MCM9: variants seen among roughly 807,000 people sequenced by gnomAD.
MCM9 encodes the protein DNA helicase MCM9.
In MCM9, 55 loss-of-function variants were observed where a neutral mutation model predicts 72.8. That is an observed-to-expected ratio of 0.76 (90% CI 0.61 to 0.95). The LOEUF (loss-of-function observed/expected upper bound fraction) is 0.95, where lower values mean the gene tolerates loss of function less well. MCM9 is among the 40% of genes least tolerant of loss of function. MCM9 has a pLI of 0.00. For missense variants in MCM9, 1,279 were observed against 1,377.0 expected (o/e 0.93, Z 1.13); for synonymous variants, 480 against 503.4 (o/e 0.95, Z 0.62).
chr6:118,822,292 G>C (rs941373780), intron 13 of MCM9, among the ~76,000 whole-genome samples: 1 of 152,156 alleles, frequency 6.6e-6, no homozygotes, highest in Non-Finnish European at 1.5e-5. Flanking sequence ...ATGACCTTAG[G>C]ATGGGGTTTT....
intron 13 of MCM9, among the ~76,000 whole-genome samples, chr6:118,821,939 T>A (rs1773842630): frequency 6.6e-6 from 1 of 152,234 alleles, no homozygotes; most frequent in South Asian, 2.1e-4. Context: ...TGTGTATGCT[T>A]CATGAAGTTC....
At chr6:118,841,366 T>C (rs1775352407) in intron 9 of MCM9, among the ~76,000 whole-genome samples, 1 of 152,176 alleles carries the variant, frequency 6.6e-6, no homozygotes, top group African/African-American at 2.4e-5. Flanking sequence ...CTCTTCTCCC[T>C]GCCTCTCTCT....
chr6:118,923,071 G>GAATA (rs1172734237), intron 4 of MCM9, among the ~76,000 whole-genome samples: 1 of 147,438 alleles, frequency 6.8e-6, no homozygotes, highest in East Asian at 2.0e-4. Flanking sequence ...AAGAATGGTT[G>GAATA]AATAGAAAGA....
chr6:118,929,925 G>A (rs1782249105), intron 3 of MCM9, among the ~76,000 whole-genome samples: 1 of 152,000 alleles, frequency 6.6e-6, no homozygotes, highest in Non-Finnish European at 1.5e-5. Context: ...AAGTGTAACT[G>A]CAGACAATAT....
At chr6:118,880,166 C>T (rs1018037266) in intron 8 of MCM9, among the ~76,000 whole-genome samples, 2 of 150,788 alleles carry the variant, frequency 1.3e-5, no homozygotes, top group Non-Finnish European at 2.9e-5. Flanking sequence ...TCTGTTTAGC[C>T]TAATTAAAAA....
chr6:118,881,631 G>A (rs529449639), intron 8 of MCM9, among the ~76,000 whole-genome samples: 10 of 152,290 alleles, frequency 6.6e-5, no homozygotes, highest in Admixed American at 1.3e-4. Flanking sequence ...TGAAAACAGC[G>A]TTAAAAACAT....
rs869238859 is a variant in MCM9 at position 118,831,340 on chromosome 6, C to CAA, written c.1326-2092_1326-2091dup. On this transcript the variant is annotated intron_variant, in intron 9 of 13. Coordinates refer to ENST00000619706, the MANE Select transcript of MCM9 (RefSeq NM_017696.3). ...GCACTCACAAAGCAAGAGACCATCT[C>CAA]AAAAAAAAAAAAAAAAAAAAAGTTG... Among the ~76,000 whole-genome samples the CAA allele has an allele frequency of 6.2e-3, 441 of 71,324 alleles. 9 individuals carry two copies. Among genetic ancestry groups the CAA allele is most frequent in the East Asian group, 0.057 (175 of 3,050 alleles). The allele number at this position is 71,324 out of a possible 152,430, so 46.8% of individuals were successfully genotyped here.
rs1780537755 is a variant in MCM9, at chr6:118,911,424, A to G, written c.1150+226T>C. On this transcript the variant is annotated intron_variant, in intron 8 of 13. Transcript: ENST00000619706. ...ATGAAGGTAATCACTAGAGAATGAG[A>G]AAATTGAATAGGATTGTTCAAAACT... The G allele has an allele frequency of 4.0e-6, 5 of 1,262,420 alleles. No homozygotes were observed. In the South Asian group the frequency reaches 1.4e-4, roughly 35 times the overall value. The allele number at this position is 1,262,420 out of a possible 1,614,324, so 78.2% of individuals were successfully genotyped here.
At chr6:118,842,866 C>T (rs1775482438) in intron 9 of MCM9, among the ~76,000 whole-genome samples, 1 of 152,088 alleles carries the variant, frequency 6.6e-6, no homozygotes, top group Non-Finnish European at 1.5e-5. Context: ...TTCCTGGTTT[C>T]ATCTTACTTC....
intron 8 of MCM9, among the ~76,000 whole-genome samples, chr6:118,861,127 G>A (rs1191374921): frequency 2.0e-5 from 3 of 152,194 alleles, no homozygotes; most frequent in African/African-American, 7.2e-5. Flanking sequence ...GCCAGCTGTG[G>A]TGGAGCGGGC....
At chr6:118,875,918 A>G (rs1208832961) in intron 8 of MCM9, among the ~76,000 whole-genome samples, 1 of 152,202 alleles carries the variant, frequency 6.6e-6, no homozygotes, top group Non-Finnish European at 1.5e-5. Flanking sequence ...TATGCACATA[A>G]AAACCTGCTC....
At chr6:118,898,442 T>C (rs562735007) in intron 8 of MCM9, among the ~76,000 whole-genome samples, 123 of 151,876 alleles carry the variant, frequency 8.1e-4, no homozygotes, top group African/African-American at 2.7e-3. Context: ...TTTTTTTTTT[T>C]TGGAGACAAT....
chr6:118,906,057 G>A (rs1780156429), intron 8 of MCM9, among the ~76,000 whole-genome samples: 1 of 152,068 alleles, frequency 6.6e-6, no homozygotes, highest in African/African-American at 2.4e-5. Context: ...GAGCATTTCT[G>A]GTTTAGAAAA....
chr6:118,926,181 G>A (rs188959311), intron 3 of MCM9, among the ~76,000 whole-genome samples: 2 of 152,228 alleles, frequency 1.3e-5, no homozygotes, highest in Admixed American at 6.5e-5. Context: ...TAGATGCTCC[G>A]TGACTTACAA....
chr6:118,862,872 A>G (rs1232301269), intron 8 of MCM9, among the ~76,000 whole-genome samples: 1 of 152,112 alleles, frequency 6.6e-6, no homozygotes, highest in Non-Finnish European at 1.5e-5. Flanking sequence ...AAAAATCCCA[A>G]CACAGAATTT....
intron 8 of MCM9, among the ~76,000 whole-genome samples, chr6:118,895,087 G>T (rs910834705): frequency 6.6e-6 from 1 of 152,064 alleles, no homozygotes; most frequent in African/African-American, 2.4e-5. Flanking sequence ...GCACTCTCCG[G>T]GCTGGCCATG....
chr6:118,832,546 T>C (rs1025531435), intron 9 of MCM9, among the ~76,000 whole-genome samples: 1 of 152,224 alleles, frequency 6.6e-6, no homozygotes, highest in Non-Finnish European at 1.5e-5. Flanking sequence ...ACAGGCTTTG[T>C]CATAAAAGGA....
At chr6:118,821,929 T>C (rs1386313669) in intron 13 of MCM9, among the ~76,000 whole-genome samples, 1 of 152,236 alleles carries the variant, frequency 6.6e-6, no homozygotes, top group Admixed American at 6.5e-5. Flanking sequence ...TACTGATACT[T>C]GTGTATGCTT....
chr6:118,841,381 T>C (rs898994839), intron 9 of MCM9, among the ~76,000 whole-genome samples: 1 of 152,170 alleles, frequency 6.6e-6, no homozygotes, highest in African/African-American at 2.4e-5. Flanking sequence ...CTCTCTCCTC[T>C]GGCCCCCCCT....
Sources: allele counts gnomAD v4.1 joint callset (sites outside exome capture counted in the v4.1 genomes callset), GRCh38; gene constraint gnomAD v4.1.1; transcripts MANE v1.5; gene names NCBI Gene and HGNC (gene_info 2026-07-23, HGNC 2026-07-21).